The following METTL16 variants were observed in gnomAD, a reference collection of about 807,000 sequenced individuals.
METTL16 encodes RNA N(6)-adenosine-methyltransferase METTL16.
A neutral mutation model predicts 57.9 loss-of-function variants in METTL16; 19 were observed. The ratio of observed to expected loss-of-function variants is 0.33; its 90% CI spans 0.23 to 0.48. METTL16 has a LOEUF of 0.48. Among genes scored for constraint, METTL16 ranks in the 20% least tolerant of loss-of-function variants. METTL16 has a pLI of 0.99. For missense variants in METTL16, 434 were observed against 691.5 expected, an observed-to-expected ratio of 0.63 and a Z score of 4.18; for synonymous variants, 246 against 255.6, an observed-to-expected ratio of 0.96 and a Z score of 0.36.
intron 2 of METTL16, among the ~76,000 whole-genome samples, chr17:2,486,779 C>G (rs2067344661): frequency 6.6e-6 from 1 of 151,718 alleles, no homozygotes; most frequent in Admixed American, 6.6e-5. Context: ...TTGAGACCAA[C>G]CTGGGTAGCA....
At chr17:2,446,771 CG>C (rs2066999509) in intron 6 of METTL16, among the ~76,000 whole-genome samples, 1 of 151,970 alleles carries the variant, frequency 6.6e-6, no homozygotes, top group Non-Finnish European at 1.5e-5. Context: ...TTGGTGGAGA[CG>C]GGGTTTTGCT....
At chr17:2,441,872 G>A (rs147755716) in intron 6 of METTL16, among the ~76,000 whole-genome samples, 4 of 152,242 alleles carry the variant, frequency 2.6e-5, no homozygotes, top group East Asian at 1.9e-4. Flanking sequence ...AACGAAGGCC[G>A]TTTATCTCTA....
chr17:2,477,663 A>C lies in METTL16; in HGVS notation c.328+23T>G, dbSNP rs770192115. ...AAAACTTATGAAAACTGTTTAGCCA[A>C]AAAAGAATTTAAAATGATATACCTA... On this transcript the variant is annotated intron_variant, in intron 3 of 9. Coordinates refer to ENST00000263092, the MANE Select transcript of METTL16 (RefSeq NM_024086.4). The C allele has an allele frequency of 1.1e-5, 17 of 1,576,834 alleles. No homozygotes were observed. The South Asian group carries it at 1.9e-4, about 18-fold the overall frequency.
chr17:2,483,689 T>C (rs1023306692), intron 2 of METTL16, among the ~76,000 whole-genome samples: 3 of 152,198 alleles, frequency 2.0e-5, no homozygotes, highest in Non-Finnish European at 4.4e-5. Context: ...TATTTCTTAC[T>C]CGACTAAAAG....
chr17:2,491,937 C>T (rs185546578), intron 2 of METTL16, among the ~76,000 whole-genome samples: 6 of 148,304 alleles, frequency 4.0e-5, no homozygotes, highest in South Asian at 2.1e-4. Context: ...TAGGGCTGGG[C>T]GCGGTGGCTC....
intron 6 of METTL16, among the ~76,000 whole-genome samples, chr17:2,448,773 T>TAAAAAAAAAAAAAAAAAAAAAA (rs1391105641): frequency 3.4e-5 from 1 of 29,610 alleles, no homozygotes; most frequent in Non-Finnish European, 6.9e-5. Context: ...AAATAAAAAA[T>TAAAAAAAAAAAAAAAAAAAAAA]AAAAAAATAA....
intron 8 of METTL16, among the ~76,000 whole-genome samples, chr17:2,427,686 C>A (rs2066829744): frequency 6.6e-6 from 1 of 151,930 alleles, no homozygotes. Flanking sequence ...CAAGTGATCC[C>A]CCCGCCTCAG....
Position 2,420,312 on chromosome 17 carries a change from C to T in METTL16, c.1347G>A (p.Pro449=), listed in dbSNP as rs376358962. The change falls in exon 10 of 10, where the codon CCG becomes CCA. Residue 449 remains proline, a synonymous_variant. Coordinates refer to ENST00000263092, the MANE Select transcript of METTL16 (RefSeq NM_024086.4). This position sits in a 1 kb window ranked among gnomAD's most constrained non-coding sequence, Gnocchi z 5.4. ...CCTCCTGGGACAGGGACTCCTGGCT[C>T]GGGCACGGGCCCTCCACAGCGGCAG... ...GEAAAVEGPC[P]SQESLSQEEN... is the part of the protein sequence containing the mutation. The T allele has an allele frequency of 1.5e-5, 24 of 1,612,166 alleles. No individual in the cohort carries two copies. Among genetic ancestry groups the T allele is most frequent in the Non-Finnish European group, 1.9e-5 (23 of 1,180,026 alleles).
chr17:2,488,279 C>G (rs894386412), intron 2 of METTL16, among the ~76,000 whole-genome samples: 1 of 152,012 alleles, frequency 6.6e-6, no homozygotes, highest in South Asian at 2.1e-4. Context: ...AATCCCAGCC[C>G]GGCGCAGTGG....
At chr17:2,506,706 A>G (rs1284354487) in intron 1 of METTL16, among the ~76,000 whole-genome samples, 1 of 151,438 alleles carries the variant, frequency 6.6e-6, no homozygotes, top group Non-Finnish European at 1.5e-5. Flanking sequence ...CCCAGCCGCC[A>G]CCCCGTCTGG....
chr17:2,468,927 GTTT>G (rs914511793), intron 4 of METTL16, among the ~76,000 whole-genome samples: 1 of 130,082 alleles, frequency 7.7e-6, no homozygotes, highest in Non-Finnish European at 1.7e-5. Context: ...GTGTGTGTGT[GTTT>G]TTTTTTTCTA....
chr17:2,500,667 G>A (rs2067480999), intron 2 of METTL16, among the ~76,000 whole-genome samples: 1 of 152,162 alleles, frequency 6.6e-6, no homozygotes, highest in Non-Finnish European at 1.5e-5. Flanking sequence ...TCTCCAGGCA[G>A]GCTGGGAATT....
chr17:2,500,387 C>T (rs779570671), intron 2 of METTL16, among the ~76,000 whole-genome samples: 11 of 152,138 alleles, frequency 7.2e-5, no homozygotes, highest in Non-Finnish European at 1.6e-4. Context: ...AGTGATTCTC[C>T]TGCCTCACTC....
intron 6 of METTL16, among the ~76,000 whole-genome samples, chr17:2,462,381 G>A (rs950188328): frequency 4.6e-5 from 7 of 152,138 alleles, no homozygotes; most frequent in African/African-American, 1.7e-4. Flanking sequence ...AACATGAAGA[G>A]TTCTGGAGAC....
At chr17:2,495,773 G>A (rs571227770) in intron 2 of METTL16, among the ~76,000 whole-genome samples, 2 of 150,476 alleles carry the variant, frequency 1.3e-5, no homozygotes, top group African/African-American at 2.5e-5. Context: ...AGCATGGGAA[G>A]TAACTGCAGA....
chr17:2,467,650 A>T (rs1329468603), intron 5 of METTL16, 111 bp downstream of exon 5: 52 of 727,874 alleles, frequency 7.1e-5, no homozygotes, highest in Non-Finnish European at 9.8e-5. Context: ...CTGGTCTCAA[A>T]CTCCTGACTT....
In METTL16 at chr17:2,499,955, TG is replaced by T. The variant is rs570467320; in HGVS notation, c.128+2248del. Among the ~76,000 whole-genome samples the T allele has an allele frequency of 3.3e-5, 5 of 152,250 alleles. No homozygotes were observed. In the East Asian group the frequency reaches 9.7e-4, roughly 29 times the overall value. Reference sequence around the variant, plus strand: ...TTTTAATAGAGACAGGGTTTTGCTTTGTTGGCCAGGCTGGTCTTGAACTCCT... The same window carrying T: ...TTTTAATAGAGACAGGGTTTTGCTTTTTGGCCAGGCTGGTCTTGAACTCCT... On this transcript the variant is annotated intron_variant, in intron 2 of 9. Coordinates refer to ENST00000263092, the MANE Select transcript of METTL16 (RefSeq NM_024086.4).
chr17:2,505,697 T>C (rs1311138717), intron 1 of METTL16, among the ~76,000 whole-genome samples: 1 of 152,064 alleles, frequency 6.6e-6, no homozygotes, highest in African/African-American at 2.4e-5. Flanking sequence ...TGGTTTACAG[T>C]AGCCTCTTAA....
chr17:2,511,046 T>C (rs76605365), intron 1 of METTL16, among the ~76,000 whole-genome samples: 5,255 of 152,066 alleles, frequency 0.035, 195 homozygotes, highest in African/African-American at 0.094. Flanking sequence ...CACTCAAGTA[T>C]TTGTTGATTG....
Sources: gnomAD v4.1 joint callset for allele counts (sites outside exome capture counted in the v4.1 genomes callset) on GRCh38, gnomAD v4.1.1 for gene constraint, Gnocchi (gnomAD v3.1) non-coding constraint, MANE v1.5 for transcripts, NCBI Gene and HGNC (gene_info 2026-07-23, HGNC 2026-07-21) for gene names.